The following PACRG variants were observed in gnomAD, a reference collection of about 807,000 sequenced individuals.
PACRG encodes the protein parkin coregulated gene protein.
A neutral mutation model predicts 29.7 loss-of-function variants in PACRG; 29 were observed. That is an observed-to-expected ratio of 0.98 (90% CI 0.73 to 1.33). The LOEUF (loss-of-function observed/expected upper bound fraction) is 1.33, where lower values mean the gene tolerates loss of function less well. Ranked by LOEUF, PACRG falls within the 40% of genes most tolerant of loss-of-function variation. The probability of loss-of-function intolerance (pLI) is 0.00; values close to 1 mark genes in which losing one functional copy is unlikely to be tolerated. For synonymous variants in PACRG, 116 were observed against 118.7 expected (o/e 0.98, Z 0.15); for missense variants, 279 against 316.2 (o/e 0.88, Z 0.89).
intron 4 of PACRG, among the ~76,000 whole-genome samples, chr6:163,181,641 A>G (rs1181176447): frequency 1.3e-5 from 2 of 148,580 alleles, no homozygotes; most frequent in African/African-American, 2.5e-5. Context: ...ATACAGACAC[A>G]TCTCCGGCCA....
At chr6:163,156,598 A>G (rs1236584960) in intron 4 of PACRG, among the ~76,000 whole-genome samples, 1 of 152,076 alleles carries the variant, frequency 6.6e-6, no homozygotes, top group African/African-American at 2.4e-5. Flanking sequence ...TTTATTTTCT[A>G]TTGCTGCCAA....
At chr6:163,078,252 G>C (rs1015715338) in intron 3 of PACRG, among the ~76,000 whole-genome samples, 6 of 152,292 alleles carry the variant, frequency 3.9e-5, no homozygotes, top group African/African-American at 1.2e-4. Flanking sequence ...TGTAATCCCA[G>C]CACTCTGGGA....
intron 1 of PACRG, among the ~76,000 whole-genome samples, chr6:162,740,746 C>T (rs1041410481): frequency 2.0e-5 from 3 of 151,720 alleles, no homozygotes; most frequent in Admixed American, 6.6e-5. Context: ...ACTACAGGCC[C>T]GCGCCACCAC....
intron 2 of PACRG, among the ~76,000 whole-genome samples, chr6:163,000,704 C>T (rs1214735330): frequency 6.6e-6 from 1 of 152,128 alleles, no homozygotes; most frequent in African/African-American, 2.4e-5. Context: ...TTCACGTGAT[C>T]GTCATTTCAT....
chr6:163,009,153 A>G (rs2128208654), intron 2 of PACRG, among the ~76,000 whole-genome samples: 1 of 152,348 alleles, frequency 6.6e-6, no homozygotes, highest in Middle Eastern at 3.4e-3. Flanking sequence ...TGTGACAACA[A>G]CAACAAAATC....
intron 2 of PACRG, among the ~76,000 whole-genome samples, chr6:163,049,393 G>A (rs143490250): frequency 0.011 from 1,647 of 152,070 alleles, 35 homozygotes; most frequent in Admixed American, 0.043. Context: ...AAAAGTATGA[G>A]AATAAACCAT....
chr6:163,202,103 G>A (rs1383946748), intron 4 of PACRG, among the ~76,000 whole-genome samples: 2 of 152,216 alleles, frequency 1.3e-5, no homozygotes, highest in Non-Finnish European at 2.9e-5. Context: ...GAGGGCAGCA[G>A]GGTTCTGGGA....
intron 2 of PACRG, among the ~76,000 whole-genome samples, chr6:162,862,543 G>T (rs1413704569): frequency 2.0e-5 from 3 of 152,194 alleles, no homozygotes; most frequent in Non-Finnish European, 2.9e-5. Flanking sequence ...AATTTAATGT[G>T]CCATGTCAAG....
intron 2 of PACRG, among the ~76,000 whole-genome samples, chr6:162,995,839 TGAAA>T (rs1002938938): frequency 6.6e-6 from 1 of 152,212 alleles, no homozygotes; most frequent in African/African-American, 2.4e-5. Flanking sequence ...ATCCATTTGT[TGAAA>T]GACATTTAAA....
intron 2 of PACRG, among the ~76,000 whole-genome samples, chr6:162,890,644 C>T (rs1340297817): frequency 6.6e-6 from 1 of 152,182 alleles, no homozygotes; most frequent in Non-Finnish European, 1.5e-5. Context: ...GTACCACCTC[C>T]TGCCAGAAAG....
intron 4 of PACRG, among the ~76,000 whole-genome samples, chr6:163,201,965 G>T (rs1448179184): frequency 1.3e-5 from 2 of 152,218 alleles, no homozygotes; most frequent in East Asian, 3.9e-4. Context: ...GGGCCTCCCT[G>T]GGGGGCTTCC....
rs926537782 is a variant in PACRG at position 163,311,188 on chromosome 6, A to C, written c.614-3639A>C. On this transcript the variant is annotated intron_variant, in intron 4 of 4. Transcript: ENST00000366888. ...CTCCTGCATGGAGGGATCTCCAAGA[A>C]CAGAAACTAAATCCCTCGTTCTCCT... Among the ~76,000 whole-genome samples, 3 of 152,234 alleles carry C rather than the reference A, an allele frequency of 2.0e-5. No individual in the cohort carries two copies. In the East Asian group the frequency reaches 5.8e-4, roughly 29 times the overall value.
intron 2 of PACRG, among the ~76,000 whole-genome samples, chr6:162,877,863 C>A (rs1374149275): frequency 6.6e-6 from 1 of 152,170 alleles, no homozygotes; most frequent in Non-Finnish European, 1.5e-5. Flanking sequence ...GATTCATGGT[C>A]TTTCCCTTTA....
intron 4 of PACRG, among the ~76,000 whole-genome samples, chr6:163,269,058 C>T (rs989491419): frequency 2.6e-5 from 4 of 152,186 alleles, no homozygotes; most frequent in Admixed American, 6.5e-5. Context: ...AAGATCCTAT[C>T]GAGAGTGTCA....
intron 2 of PACRG, among the ~76,000 whole-genome samples, chr6:162,930,701 G>A (rs1797788405): frequency 6.6e-6 from 1 of 151,710 alleles, no homozygotes; most frequent in South Asian, 2.1e-4. Context: ...AATTTTCCCT[G>A]TTCAGTATTA....
At chr6:162,784,333 GC>G (rs1181414796) in intron 1 of PACRG, among the ~76,000 whole-genome samples, 1 of 152,102 alleles carries the variant, frequency 6.6e-6, no homozygotes, top group Non-Finnish European at 1.5e-5. Flanking sequence ...AATACCCCCA[GC>G]CCATGGTCAT....
chr6:163,303,320 T>A (rs1785074149), intron 4 of PACRG, among the ~76,000 whole-genome samples: 1 of 151,982 alleles, frequency 6.6e-6, no homozygotes, highest in East Asian at 1.9e-4. Flanking sequence ...TGAGACCCTG[T>A]CTCACAAAAA....
intron 2 of PACRG, among the ~76,000 whole-genome samples, chr6:162,921,811 C>T (rs1797085128): frequency 6.6e-6 from 1 of 151,740 alleles, no homozygotes; most frequent in African/African-American, 2.4e-5. Flanking sequence ...CTGATTTAGC[C>T]AAAAAAGAGA....
chr6:162,987,546 G>A (rs1486587169), intron 2 of PACRG, among the ~76,000 whole-genome samples: 1 of 152,070 alleles, frequency 6.6e-6, no homozygotes, highest in African/African-American at 2.4e-5. Context: ...TTTTCTAAAG[G>A]GCAATTTCCC....
Sources: allele counts gnomAD v4.1 joint callset (sites outside exome capture counted in the v4.1 genomes callset), GRCh38; gene constraint gnomAD v4.1.1; transcripts MANE v1.5; gene names NCBI Gene and HGNC (gene_info 2026-07-23, HGNC 2026-07-21).